ZNF804B: variants seen among roughly 807,000 people sequenced by gnomAD.
The protein encoded by ZNF804B is zinc finger protein 804B, also known as zinc finger 804B.
Under a neutral mutation model 101.4 loss-of-function variants are expected in ZNF804B, and 80 were observed. The observed-to-expected ratio is 0.79, with a 90% CI of 0.66 to 0.95. The LOEUF (loss-of-function observed/expected upper bound fraction) is 0.95. Ranked by LOEUF, ZNF804B falls within the 40% of genes least tolerant of loss-of-function variation. The pLI, the probability that ZNF804B is intolerant of heterozygous loss-of-function variation, is 0.00. For missense variants in ZNF804B, 1,673 were observed against 1,561.9 expected (o/e 1.07, Z -1.20); for synonymous variants, 622 against 558.8 (o/e 1.11, Z -1.59).
intron 1 of ZNF804B, among the ~76,000 whole-genome samples, chr7:89,217,913 G>A (rs369533510): frequency 3.9e-5 from 6 of 152,226 alleles, no homozygotes; most frequent in Middle Eastern, 3.4e-3. Flanking sequence ...AGAAATGGGT[G>A]GCAAGAAGAA....
At chr7:89,030,577 T>A (rs1257397298) in intron 1 of ZNF804B, among the ~76,000 whole-genome samples, 1 of 152,158 alleles carries the variant, frequency 6.6e-6, no homozygotes, top group Non-Finnish European at 1.5e-5. Flanking sequence ...AGTCTTGAGT[T>A]TTATGATTCT....
At chr7:88,992,076 A>G (rs1562853428) in intron 1 of ZNF804B, among the ~76,000 whole-genome samples, 1 of 152,104 alleles carries the variant, frequency 6.6e-6, no homozygotes, top group Non-Finnish European at 1.5e-5. Flanking sequence ...GTCTGGTTGC[A>G]GATTAAACCT....
At chr7:89,322,858 G>T (rs2115972092) in intron 2 of ZNF804B, among the ~76,000 whole-genome samples, 1 of 152,258 alleles carries the variant, frequency 6.6e-6, no homozygotes, top group South Asian at 2.1e-4. Context: ...TTAGGAATAT[G>T]TAATATTAAT....
chr7:88,929,880 A>G (rs1048368269), intron 1 of ZNF804B, among the ~76,000 whole-genome samples: 15 of 152,070 alleles, frequency 9.9e-5, no homozygotes, highest in Admixed American at 8.5e-4. Flanking sequence ...ATTTGTTAAT[A>G]TATTTATGTC....
intron 3 of ZNF804B, among the ~76,000 whole-genome samples, chr7:89,330,333 G>A (rs7802431): frequency 0.11 from 16,969 of 151,462 alleles, 961 homozygotes; most frequent in Non-Finnish European, 0.12. Context: ...TAATAATACC[G>A]TATTGTTTAC....
At chr7:89,018,271 A>G (rs943417788) in intron 1 of ZNF804B, among the ~76,000 whole-genome samples, 1 of 152,120 alleles carries the variant, frequency 6.6e-6, no homozygotes, top group African/African-American at 2.4e-5. Context: ...TGAGAAGATC[A>G]TATGATTTTA....
intron 1 of ZNF804B, among the ~76,000 whole-genome samples, chr7:89,148,939 CA>C (rs1790830055): frequency 6.6e-6 from 1 of 152,044 alleles, no homozygotes; most frequent in African/African-American, 2.4e-5. Context: ...ATCAGGTCCA[CA>C]GCTGCCTATG....
At chr7:88,771,195 T>A (rs1211315993) in intron 1 of ZNF804B, among the ~76,000 whole-genome samples, 1 of 152,156 alleles carries the variant, frequency 6.6e-6, no homozygotes, top group Non-Finnish European at 1.5e-5. Context: ...GGTTTTTTAC[T>A]CTTCTGCTTA....
chr7:89,156,016 TTTCCTTTC>T (rs1455257266), intron 1 of ZNF804B, among the ~76,000 whole-genome samples: 5 of 84,044 alleles, frequency 5.9e-5, no homozygotes, highest in African/African-American at 1.6e-4. Context: ...TCTTTCTCTC[TTTCCTTTC>T]TTTCTTTCTT....
chr7:89,028,068 A>G (rs1037899056), intron 1 of ZNF804B, among the ~76,000 whole-genome samples: 1 of 152,170 alleles, frequency 6.6e-6, no homozygotes, highest in Non-Finnish European at 1.5e-5. Context: ...TCCTGACCTC[A>G]TCATGTATAT....
intron 1 of ZNF804B, among the ~76,000 whole-genome samples, chr7:88,992,131 T>C (rs932241136): frequency 6.6e-6 from 1 of 152,188 alleles, no homozygotes; most frequent in Non-Finnish European, 1.5e-5. Context: ...GAATTAGCCA[T>C]TGACGGCTTA....
chr7:89,252,513 C>T (rs544181544), intron 2 of ZNF804B, among the ~76,000 whole-genome samples: 4 of 152,242 alleles, frequency 2.6e-5, no homozygotes, highest in African/African-American at 9.6e-5. Flanking sequence ...ACCATTTGAT[C>T]CAGCAATCCC....
intron 2 of ZNF804B, among the ~76,000 whole-genome samples, chr7:89,249,989 C>T (rs920278117): frequency 3.9e-5 from 6 of 151,970 alleles, no homozygotes; most frequent in Admixed American, 6.6e-5. Flanking sequence ...AGTTCAAGAC[C>T]AGCCAGGCCA....
intron 1 of ZNF804B, among the ~76,000 whole-genome samples, chr7:89,176,453 C>G (rs1791319050): frequency 6.6e-6 from 1 of 151,770 alleles, no homozygotes; most frequent in Non-Finnish European, 1.5e-5. Flanking sequence ...CTCACTTGGT[C>G]ATGATGAATG....
intron 1 of ZNF804B, among the ~76,000 whole-genome samples, chr7:88,886,504 T>A (rs1054949426): frequency 3.3e-5 from 5 of 152,174 alleles, no homozygotes; most frequent in Non-Finnish European, 5.9e-5. Flanking sequence ...AGTGATAAAT[T>A]TCAGAGCAAA....
At chr7:89,290,708 G>T (rs1790275892) in intron 2 of ZNF804B, among the ~76,000 whole-genome samples, 3 of 152,150 alleles carry the variant, frequency 2.0e-5, no homozygotes, top group African/African-American at 7.2e-5. Context: ...CTCAGCCACG[G>T]TACAACAGAA....
intron 1 of ZNF804B, among the ~76,000 whole-genome samples, chr7:88,799,653 G>T (rs528734487): frequency 6.6e-6 from 1 of 152,178 alleles, no homozygotes; most frequent in Non-Finnish European, 1.5e-5. Flanking sequence ...CGCCTTTGGT[G>T]TGCCAGGTGA....
At chr7:88,868,659 G>T (rs558657001) in intron 1 of ZNF804B, among the ~76,000 whole-genome samples, 1 of 152,236 alleles carries the variant, frequency 6.6e-6, no homozygotes, top group East Asian at 1.9e-4. Context: ...CAGGACCCAA[G>T]ACCTTTTTAT....
chr7:89,286,935 T>C (rs1322759878), intron 2 of ZNF804B, among the ~76,000 whole-genome samples: 1 of 152,128 alleles, frequency 6.6e-6, no homozygotes, highest in Non-Finnish European at 1.5e-5. Context: ...TTCCACCTTC[T>C]CCACTTCTTT....
Sources: allele counts gnomAD v4.1 joint callset (sites outside exome capture counted in the v4.1 genomes callset), GRCh38; gene constraint gnomAD v4.1.1; transcripts MANE v1.5; gene names NCBI Gene and HGNC (gene_info 2026-07-23, HGNC 2026-07-21).